Variants in STX6 observed in about 807,000 individuals in gnomAD.
STX6 encodes syntaxin 6, also known as syntaxin-6.
In STX6, 23 loss-of-function variants were observed where a neutral mutation model predicts 38.0. The observed-to-expected ratio is 0.60, with a 90% CI of 0.43 to 0.86. The LOEUF is 0.86. STX6 is among the 40% of genes least tolerant of loss of function. STX6 has a pLI of 0.00. For synonymous variants in STX6, 123 were observed against 107.5 expected, an observed-to-expected ratio of 1.14 and a Z score of -0.89; for missense variants, 274 against 312.9, an observed-to-expected ratio of 0.88 and a Z score of 0.94.
Position 180,984,771 on chromosome 1 carries a change from A to G in STX6, c.597T>C (p.Val199=). 1.3e-6 allele frequency: 2 copies of G among 1,501,518 alleles called. No individual in the cohort carries two copies. Among genetic ancestry groups the G allele is most frequent in the South Asian group, 1.1e-5 (1 of 88,600 alleles). The allele number at this position is 1,501,518 out of a possible 1,614,324, so 93.0% of individuals were successfully genotyped here. The change falls in exon 7 of 8, where the codon GTT becomes GTC. Residue 199 remains valine (V), a splice_region_variant and synonymous_variant. Coordinates refer to ENST00000258301, the MANE Select transcript of STX6 (RefSeq NM_005819.6). ...RIGGELEEQA[V]MLEDFSHELE... is the part of the protein sequence containing the mutation. The stretch of plus-strand genomic sequence containing the variant: ...ATTCGTGAGAGAAATCTTCCAACAT[A>G]CTAGAGAGAAGCAGACACAGAAGGT...
Position 180,993,365 on chromosome 1 carries a change from G to A in STX6, c.361C>T (p.Gln121Ter). Residue 121 changes from glutamine (Q) to a stop codon, truncating the protein, a stop_gained and splice_region_variant, in exon 4 of 8, where the codon CAG becomes TAG. Transcript: ENST00000258301. LOFTEE classifies it high-confidence loss of function. ...VQALAERKNR[Q>*]ALLGDSGSQN... ...ATTATATTCTGATGTTTTCTCACCT[G>A]TCTATTTTTTCTTTCAGCTAATGCC... 6.5e-7 allele frequency: 1 copy of A among 1,538,332 alleles called. No homozygotes were observed. The highest frequency in any genetic ancestry group is 9.0e-7 in the Non-Finnish European group (1 of 1,112,540).
rs566132248 is a variant in STX6 at position 181,018,320 on chromosome 1, T to C, written c.35+4319A>G. 5.2e-4 allele frequency among the ~76,000 whole-genome samples: 73 copies of C among 139,392 alleles called. 1 individual carries two copies. The highest frequency in any genetic ancestry group is 1.9e-3 in the African/African-American group (71 of 37,050). 91.4% of individuals were successfully genotyped at this position (139,392 alleles called of 152,430 possible). A position where few individuals can be genotyped will look rare whatever the true frequency, so the allele number is the denominator to read the frequency against. On this transcript the variant is annotated intron_variant, in intron 1 of 7. Coordinates refer to ENST00000258301, the MANE Select transcript of STX6 (RefSeq NM_005819.6). ...ATCGCTTGAACCCAAGAGGTAGAGGTTGCAGTGAGCTGAGATCACGCCATC... is the reference window on the plus strand; with the variant it reads ...ATCGCTTGAACCCAAGAGGTAGAGGCTGCAGTGAGCTGAGATCACGCCATC...
rs1483179987 is a variant in STX6, at chr1:181,017,277, C to A, written c.35+5362G>T. Among the ~76,000 whole-genome samples the A allele has an allele frequency of 2.1e-5, 3 of 145,974 alleles. No individual in the cohort carries two copies. The East Asian group carries it at 6.5e-4, about 31-fold the overall frequency. On this transcript the variant is annotated intron_variant, in intron 1 of 7. Transcript: ENST00000258301. Reference sequence around the variant, plus strand: ...GCGTGGTGGCGGGCACCTGTAGTCCCAGCTACTCAGGAGGCTGAGGCAGGA... The same window carrying A: ...GCGTGGTGGCGGGCACCTGTAGTCCAAGCTACTCAGGAGGCTGAGGCAGGA...
chr1:181,001,991 C>A (rs1212261293), intron 3 of STX6, among the ~76,000 whole-genome samples: 1 of 152,132 alleles, frequency 6.6e-6, no homozygotes, highest in South Asian at 2.1e-4. Flanking sequence ...CCAGCCTGAG[C>A]AACATGGTGA....
chr1:180,988,057 A>AGCCT, intron 6 of STX6, 182 bp downstream of exon 6: 3 of 485,762 alleles, frequency 6.2e-6, no homozygotes, highest in Non-Finnish European at 7.4e-6. Context: ...CCTGTAGTAA[A>AGCCT]ATTTACGAAG....
At chr1:180,998,805 ACAAT>A (rs1422745064) in intron 3 of STX6, among the ~76,000 whole-genome samples, 1 of 152,234 alleles carries the variant, frequency 6.6e-6, no homozygotes, top group Non-Finnish European at 1.5e-5. Flanking sequence ...ACATTTTATA[ACAAT>A]CTATCATGCC....
intron 3 of STX6, among the ~76,000 whole-genome samples, chr1:181,000,571 T>C (rs1330032349): frequency 6.6e-6 from 1 of 152,144 alleles, no homozygotes; most frequent in Non-Finnish European, 1.5e-5. Flanking sequence ...ACATGGGGAT[T>C]ATGGGGATTA....
chr1:181,022,805 C>A lies in STX6; in HGVS notation c.-132G>T. The A allele has an allele frequency of 3.5e-6, 3 of 851,074 alleles. No individual in the cohort carries two copies. The highest frequency in any genetic ancestry group is 3.7e-6 in the Non-Finnish European group (2 of 537,620). 52.7% of individuals were successfully genotyped at this position (851,074 alleles called of 1,614,324 possible). A position where few individuals can be genotyped will look rare whatever the true frequency, so the allele number is the denominator to read the frequency against. On this transcript the variant is annotated 5_prime_UTR_variant, in exon 1 of 8. Transcript: ENST00000258301. ...TCTGGGTGAAGCCGAGCAGCGGGCA[C>A]GCGCACAGGCCAGGTGCACAGGACG...
At chr1:180,987,028 A>ACTC (rs1655607665) in intron 6 of STX6, among the ~76,000 whole-genome samples, 1 of 151,362 alleles carries the variant, frequency 6.6e-6, no homozygotes, top group African/African-American at 2.4e-5. Context: ...TCACACCATC[A>ACTC]CTCCTCACCT....
rs1046013857 is a variant in STX6, at chr1:181,022,834, G to A, written c.-161C>T. 9 of 657,384 alleles carry A rather than the reference G, an allele frequency of 1.4e-5. No homozygotes were observed. Among genetic ancestry groups the A allele is most frequent in the East Asian group, 8.8e-5 (3 of 34,132 alleles). 40.7% of individuals were successfully genotyped at this position (657,384 alleles called of 1,614,324 possible). ...CACAGGCCAGGTGCACAGGACGGCC[G>A]CTGGTCCAGCACTCGCTCAGCACCA... On this transcript the variant is annotated 5_prime_UTR_variant, in exon 1 of 8. Coordinates refer to ENST00000258301, the MANE Select transcript of STX6 (RefSeq NM_005819.6).
chr1:181,007,670 A>G (rs1656262303), intron 1 of STX6, among the ~76,000 whole-genome samples: 1 of 152,196 alleles, frequency 6.6e-6, no homozygotes. Flanking sequence ...ATTAAATTCT[A>G]AGTAGCAATC....
At position 180,976,428 on chromosome 1, in the gene STX6, G is replaced by T; in HGVS notation, c.*142C>A. 2.7e-6 allele frequency: 2 copies of T among 736,812 alleles called. No homozygotes were observed. Among genetic ancestry groups the T allele is most frequent in the Non-Finnish European group, 4.7e-6 (2 of 425,600 alleles). 45.6% of individuals were successfully genotyped at this position (736,812 alleles called of 1,614,324 possible). A position where few individuals can be genotyped will look rare whatever the true frequency, so the allele number is the denominator to read the frequency against. On this transcript the variant is annotated 3_prime_UTR_variant, in exon 8 of 8. Coordinates refer to ENST00000258301, the MANE Select transcript of STX6 (RefSeq NM_005819.6). ...CTGGGATGGAGGAGCCATGTCAATT[G>T]TGGGGTCACACGGAGAAAAGTCAGT... is the stretch of plus-strand genomic sequence containing the variant.
intron 3 of STX6, among the ~76,000 whole-genome samples, chr1:180,996,864 T>C (rs1655930912): frequency 6.6e-6 from 1 of 152,236 alleles, no homozygotes; most frequent in Non-Finnish European, 1.5e-5. Flanking sequence ...TGAGCCATCA[T>C]GACTGGCAAT....
intron 1 of STX6, among the ~76,000 whole-genome samples, chr1:181,007,653 T>C (rs1034877059): frequency 2.0e-5 from 3 of 152,224 alleles, no homozygotes; most frequent in East Asian, 3.8e-4. Flanking sequence ...ACAATGATGA[T>C]GCTGGAATTA....
rs1384672149 is a variant in STX6, at chr1:181,022,814, G to A, written c.-141C>T. On this transcript the variant is annotated 5_prime_UTR_variant, in exon 1 of 8. Transcript: ENST00000258301. The stretch of plus-strand genomic sequence containing the variant: ...AGCCGAGCAGCGGGCACGCGCACAG[G>A]CCAGGTGCACAGGACGGCCGCTGGT... The A allele has an allele frequency of 5.1e-6, 4 of 789,670 alleles. No individual in the cohort carries two copies. Among genetic ancestry groups the A allele is most frequent in the East Asian group, 2.7e-5 (1 of 36,524 alleles). 48.9% of individuals were successfully genotyped at this position (789,670 alleles called of 1,614,324 possible). A position where few individuals can be genotyped will look rare whatever the true frequency, so the allele number is the denominator to read the frequency against.
intron 5 of STX6, chr1:180,989,496 A>AC (rs1655687678): frequency 7.1e-6 from 1 of 140,560 alleles, no homozygotes. Context: ...ACTCCGTCTC[A>AC]CAAAAAAAAA....
intron 1 of STX6, among the ~76,000 whole-genome samples, chr1:181,013,199 C>T (rs1009276728): frequency 1.3e-5 from 2 of 151,854 alleles, no homozygotes; most frequent in Non-Finnish European, 2.9e-5. Context: ...TTGCATCTAA[C>T]CAAGTTTGCC....
chr1:181,005,199 T>C, intron 2 of STX6, 95 bp downstream of exon 2: 1 of 1,521,790 alleles, frequency 6.6e-7, no homozygotes, highest in Admixed American at 2.1e-5. Context: ...TAATCGATTA[T>C]AAAATGTTTC....
chr1:180,998,182 AT>A (rs1196818089), intron 3 of STX6, among the ~76,000 whole-genome samples: 1 of 152,148 alleles, frequency 6.6e-6, no homozygotes, highest in Non-Finnish European at 1.5e-5. Context: ...TTGAGCTTGC[AT>A]TATCATAATT....
Sources: gnomAD v4.1 joint callset for allele counts (sites outside exome capture counted in the v4.1 genomes callset) on GRCh38, gnomAD v4.1.1 for gene constraint, MANE v1.5 for transcripts, NCBI Gene and HGNC (gene_info 2026-07-23, HGNC 2026-07-21) for gene names.